UNC80: variants seen among roughly 807,000 people sequenced by gnomAD.
UNC80 encodes protein unc-80 homolog.
Under a neutral mutation model 384.6 loss-of-function variants are expected in UNC80, and 164 were observed. The ratio of observed to expected loss-of-function variants is 0.43; its 90% CI spans 0.38 to 0.49. The LOEUF (loss-of-function observed/expected upper bound fraction) is 0.49, where lower values mean the gene tolerates loss of function less well. Ranked by LOEUF, UNC80 falls within the 20% of genes least tolerant of loss-of-function variation. The pLI is 0.00. For missense variants in UNC80, 3,330 were observed against 4,143.0 expected (o/e 0.80, Z 5.39); for synonymous variants, 1,486 against 1,527.8 (o/e 0.97, Z 0.64).
intron 13 of UNC80, among the ~76,000 whole-genome samples, chr2:209,822,284 C>T (rs1406301648): frequency 6.6e-6 from 1 of 152,136 alleles, no homozygotes; most frequent in Non-Finnish European, 1.5e-5. Flanking sequence ...GAGGACAATG[C>T]AAGGAACTTC....
At chr2:209,840,263 G>A (rs2081637688) in intron 19 of UNC80, among the ~76,000 whole-genome samples, 2 of 152,206 alleles carry the variant, frequency 1.3e-5, no homozygotes, top group Non-Finnish European at 2.9e-5. Context: ...AAGTATTTAA[G>A]AGGTAAAATT....
intron 51 of UNC80, among the ~76,000 whole-genome samples, chr2:209,963,555 A>G (rs1431030753): frequency 6.6e-6 from 1 of 152,218 alleles, no homozygotes; most frequent in African/African-American, 2.4e-5. Context: ...AGCACTTCTC[A>G]ATGTTATCTT....
chr2:209,820,567 G>A lies in UNC80; in HGVS notation c.2219G>A (p.Gly740Asp). ...CCTGCTGTTAGTGGAGCTGGAGATG[G>A]TGGAGGAGAAGAAGGAGGAGGTGGA... ...GGPAVSGAGD[G>D]GGEEGGGGDG... Residue 740 changes from glycine to aspartate, a missense_variant, in exon 13 of 65, where the codon GGT (glycine) becomes GAT (aspartate). Gly to Asp is a moderately conservative substitution (Grantham distance 94, BLOSUM62 -1). This residue lies in a region of UNC80 where 937 missense variants were observed against 1,026.8 expected (regional missense o/e 0.91). Coordinates refer to ENST00000673920, the MANE Select transcript of UNC80 (RefSeq NM_001371986.1). 1 of 1,551,640 alleles carries A rather than the reference G, an allele frequency of 6.4e-7. No homozygotes were observed. Among genetic ancestry groups the A allele is most frequent in the Admixed American group, 2.0e-5 (1 of 50,976 alleles).
intron 14 of UNC80, 30 bp from the exon 15 acceptor site, chr2:209,829,202 G>A (rs1395800515): frequency 6.5e-7 from 1 of 1,550,010 alleles, no homozygotes; most frequent in South Asian, 1.2e-5. Context: ...TGGTACTTGT[G>A]ACTTTTTCAC....
chr2:209,839,513 C>A lies in UNC80; in HGVS notation c.3250+83C>A. On this transcript the variant is annotated intron_variant, in intron 19 of 64. Coordinates refer to ENST00000673920, the MANE Select transcript of UNC80 (RefSeq NM_001371986.1). This position sits in a 1 kb window ranked among gnomAD's most constrained non-coding sequence, Gnocchi z 4.1. ...TCAACTCAGTGATGCATAGTAGGGCCGAAAAAGAAGACCTTCAAGTCATAA... is the reference window on the plus strand; with the variant it reads ...TCAACTCAGTGATGCATAGTAGGGCAGAAAAAGAAGACCTTCAAGTCATAA... 7.1e-7 allele frequency: 1 copy of A among 1,406,074 alleles called. No individual in the cohort carries two copies. The highest frequency in any genetic ancestry group is 9.7e-7 in the Non-Finnish European group (1 of 1,028,268). 87.1% of individuals were successfully genotyped at this position (1,406,074 alleles called of 1,614,324 possible). A position where few individuals can be genotyped will look rare whatever the true frequency, so the allele number is the denominator to read the frequency against.
chr2:209,868,273 A>T (rs889034523), intron 22 of UNC80, among the ~76,000 whole-genome samples: 1 of 152,240 alleles, frequency 6.6e-6, no homozygotes, highest in Non-Finnish European at 1.5e-5. Flanking sequence ...CACCAGCAAC[A>T]GCTTTATATT....
At chr2:209,982,973 A>C (rs575821773) in intron 60 of UNC80, 1 of 135,814 alleles carries the variant, frequency 7.4e-6, no homozygotes, top group Non-Finnish European at 1.6e-5. Flanking sequence ...CACACACACA[A>C]TGAAAGTATA....
At chr2:209,927,999 C>T (rs988642511) in intron 36 of UNC80, among the ~76,000 whole-genome samples, 2 of 151,496 alleles carry the variant, frequency 1.3e-5, no homozygotes, top group Admixed American at 1.3e-4. Flanking sequence ...AGTAAAAAAC[C>T]GAATACCAGA....
At chr2:209,863,143 A>C in intron 22 of UNC80, among the ~76,000 whole-genome samples, 1 of 152,136 alleles carries the variant, frequency 6.6e-6, no homozygotes, top group South Asian at 2.1e-4. Flanking sequence ...CTTTTTCTTA[A>C]GAATGTTGAA....
At chr2:209,783,511 A>G (rs1261540379) in intron 4 of UNC80, among the ~76,000 whole-genome samples, 1 of 152,156 alleles carries the variant, frequency 6.6e-6, no homozygotes, top group African/African-American at 2.4e-5. Context: ...TGAACATATT[A>G]GTTTGGTATT....
rs563653000 is a variant in UNC80 at position 209,995,972 on chromosome 2, C to G, written c.*377C>G. ...AATAGAATGCAATTTTTTGAGATTACTCACATTATACATCTCATGCAAATA... is the reference window on the plus strand; with the variant it reads ...AATAGAATGCAATTTTTTGAGATTAGTCACATTATACATCTCATGCAAATA... On this transcript the variant is annotated 3_prime_UTR_variant, in exon 65 of 65. Transcript: ENST00000673920. The G allele has an allele frequency of 1.8e-5, 3 of 169,810 alleles. No individual in the cohort carries two copies. Among genetic ancestry groups the G allele is most frequent in the African/African-American group, 7.2e-5 (3 of 41,750 alleles). The allele number at this position is 169,810 out of a possible 1,614,324, so 10.5% of individuals were successfully genotyped here.
intron 50 of UNC80, 142 bp downstream of exon 50, chr2:209,959,296 C>G: frequency 8.3e-7 from 1 of 1,201,118 alleles, no homozygotes; most frequent in Non-Finnish European, 1.2e-6. Context: ...GGGTTTACTA[C>G]AGTTTGGGAT....
At chr2:209,990,797 G>A (rs2093377993) in intron 61 of UNC80, among the ~76,000 whole-genome samples, 1 of 152,168 alleles carries the variant, frequency 6.6e-6, no homozygotes, top group Non-Finnish European at 1.5e-5. Flanking sequence ...TTTTGAAGTT[G>A]ACATTCAGGA....
Position 209,857,148 on chromosome 2 carries a change from G to T in UNC80, c.3627+7525G>T, listed in dbSNP as rs539282347. 2.0e-5 allele frequency among the ~76,000 whole-genome samples: 3 copies of T among 152,156 alleles called. No homozygotes were observed. In the East Asian group the frequency reaches 5.8e-4, roughly 29 times the overall value. ...TGAGTCAACCTACTCTGTATTAATAGTTAGAACTTAAACATCACTTAGGCT... is the reference window on the plus strand; with the variant it reads ...TGAGTCAACCTACTCTGTATTAATATTTAGAACTTAAACATCACTTAGGCT... On this transcript the variant is annotated intron_variant, in intron 22 of 64. Coordinates refer to ENST00000673920, the MANE Select transcript of UNC80 (RefSeq NM_001371986.1).
At chr2:209,971,219 T>C (rs1443803964) in intron 54 of UNC80, among the ~76,000 whole-genome samples, 1 of 152,182 alleles carries the variant, frequency 6.6e-6, no homozygotes, top group Non-Finnish European at 1.5e-5. Flanking sequence ...ATTGAAAATG[T>C]GTGCAAAATA....
rs141710254 is a variant in UNC80, at chr2:209,883,767, C to T, written c.4110+2673C>T. 4.3e-3 allele frequency among the ~76,000 whole-genome samples: 651 copies of T among 152,204 alleles called. 3 individuals carry two copies. Among genetic ancestry groups the T allele is most frequent in the Non-Finnish European group, 7.6e-3 (518 of 67,998 alleles). On this transcript the variant is annotated intron_variant, in intron 25 of 64. Transcript: ENST00000673920. The stretch of plus-strand genomic sequence containing the variant: ...TGATTCTATAAATTTGACTATTTTA[C>T]GTACTTACTCATATAAGTGGAATCA...
intron 31 of UNC80, among the ~76,000 whole-genome samples, chr2:209,915,315 G>A (rs1039599807): frequency 1.3e-5 from 2 of 150,732 alleles, no homozygotes; most frequent in Admixed American, 6.6e-5. Context: ...TGAGGCAGGA[G>A]AGTGGCATGA....
intron 38 of UNC80, 81 bp from the exon 39 acceptor site, chr2:209,933,741 A>T: frequency 7.6e-7 from 1 of 1,317,726 alleles, no homozygotes; most frequent in Non-Finnish European, 1.0e-6. Flanking sequence ...GGTCGAGTTT[A>T]AAACAAGAAA....
Position 209,831,517 on chromosome 2 carries a change from G to T in UNC80, c.2701G>T (p.Val901Phe). ...AGCCCAAAATGTGGAAGGCATTATC[G>T]TCAGCGCCATGTTTAAATCCCTCAT... ...STAQNVEGIIVSAMFKSLITR... is the reference protein window; with the variant it reads ...STAQNVEGIIFSAMFKSLITR... Residue 901 changes from valine (V) to phenylalanine (F), a missense_variant, in exon 16 of 65, where the codon GTC becomes TTC. Val to Phe is a conservative substitution (Grantham distance 50). Around this residue, in one of 8 missense-constraint regions of UNC80, gnomAD observed 937 missense variants for 1,026.8 expected, o/e 0.91. Transcript: ENST00000673920. 1 of 1,551,298 alleles carries T rather than the reference G, an allele frequency of 6.4e-7. No individual in the cohort carries two copies. The highest frequency in any genetic ancestry group is 8.7e-7 in the Non-Finnish European group (1 of 1,146,792).
Sources: allele counts gnomAD v4.1 joint callset (sites outside exome capture counted in the v4.1 genomes callset), GRCh38; gene constraint gnomAD v4.1.1; regional missense constraint gnomAD v4.1.1; non-coding constraint Gnocchi (gnomAD v3.1); transcripts MANE v1.5; gene names NCBI Gene and HGNC (gene_info 2026-07-23, HGNC 2026-07-21).